Variants in FBLN1 observed in about 807,000 individuals in gnomAD.
The protein encoded by FBLN1 is fibulin-1.
FBLN1 carries 34 observed loss-of-function variants against 89.7 expected under a neutral mutation model. The ratio of observed to expected loss-of-function variants is 0.38; its 90% CI spans 0.29 to 0.50. The LOEUF is 0.50. FBLN1 is among the 20% of genes least tolerant of loss of function. The pLI, the probability that FBLN1 is intolerant of heterozygous loss-of-function variation, is 0.92. For missense variants in FBLN1, 777 were observed against 988.1 expected (o/e 0.79, Z 2.86); for synonymous variants, 393 against 391.3 (o/e 1.00, Z -0.05).
intron 2 of FBLN1, chr22:45,523,038 G>A (rs201802368): frequency 3.0e-6 from 2 of 655,996 alleles, no homozygotes; most frequent in African/African-American, 3.5e-5. Flanking sequence ...ATGTGCCGTG[G>A]GGGAAACAGG....
chr22:45,564,517 C>A (rs2088884174), intron 14 of FBLN1, among the ~76,000 whole-genome samples: 1 of 152,244 alleles, frequency 6.6e-6, no homozygotes, highest in Non-Finnish European at 1.5e-5. Context: ...GTGCTTTGCA[C>A]CCTTGGCCTG....
rs2146662515 is a variant in FBLN1, at chr22:45,590,568, G to GC, written c.1973-9738dup. The stretch of plus-strand genomic sequence containing the variant: ...GGTTGGATTTACCTCCTGGCTCTGA[G>GC]CACAGTGGGAAGAGGCATGGGAGGG... On this transcript the variant is annotated intron_variant, in intron 16 of 16. Coordinates refer to ENST00000327858, the MANE Select transcript of FBLN1 (RefSeq NM_006486.3). The surrounding 1 kb of genome is among the most constrained non-coding windows in gnomAD (Gnocchi z 4.1). Among the ~76,000 whole-genome samples the GC allele has an allele frequency of 6.6e-6, 1 of 152,326 alleles. No homozygotes were observed. The highest frequency in any genetic ancestry group is 1.9e-4 in the East Asian group (1 of 5,178).
In FBLN1 at chr22:45,561,896, G is replaced by A. The variant is rs1195143908; in HGVS notation, c.1697+11281G>A. Among the ~76,000 whole-genome samples, 1 of 152,174 alleles carries A rather than the reference G, an allele frequency of 6.6e-6. No individual in the cohort carries two copies. Among genetic ancestry groups the A allele is most frequent in the Non-Finnish European group, 1.5e-5 (1 of 68,030 alleles). ...CATCCAGCACAGGAGAAAGATGTAG[G>A]CTGGGAGGCTAGGCCAGTCTCTCCT... is the stretch of plus-strand genomic sequence containing the variant. On this transcript the variant is annotated intron_variant, in intron 14 of 16. Coordinates refer to ENST00000327858, the MANE Select transcript of FBLN1 (RefSeq NM_006486.3). The surrounding 1 kb of genome is among the most constrained non-coding windows in gnomAD (Gnocchi z 4.7).
intron 16 of FBLN1, among the ~76,000 whole-genome samples, chr22:45,591,244 C>G (rs1017316242): frequency 1.3e-5 from 2 of 152,152 alleles, no homozygotes; most frequent in Non-Finnish European, 2.9e-5. Flanking sequence ...AATTTTCTCC[C>G]CGGTGAGCCC....
rs762701172 is a variant in FBLN1, at chr22:45,557,852, A to G, written c.1697+7237A>G. Among the ~76,000 whole-genome samples the G allele has an allele frequency of 6.6e-6, 1 of 152,340 alleles. No homozygotes were observed. Among genetic ancestry groups the G allele is most frequent in the Non-Finnish European group, 1.5e-5 (1 of 68,036 alleles). ...CATTGGCCACAGCCCATGAATCAGT[A>G]TGTAATCGCACATCTGGTCATTTCT... On this transcript the variant is annotated intron_variant, in intron 14 of 16. Coordinates refer to ENST00000327858, the MANE Select transcript of FBLN1 (RefSeq NM_006486.3). The surrounding 1 kb of genome is among the most constrained non-coding windows in gnomAD (Gnocchi z 4.9).
chr22:45,599,220 C>G (rs2089210717), intron 16 of FBLN1, among the ~76,000 whole-genome samples: 1 of 152,214 alleles, frequency 6.6e-6, no homozygotes, highest in Admixed American at 6.5e-5. Flanking sequence ...AGGCAGAGCT[C>G]CCTGCAACCC....
At chr22:45,552,422 C>A (rs183821629) in intron 14 of FBLN1, among the ~76,000 whole-genome samples, 1 of 152,232 alleles carries the variant, frequency 6.6e-6, no homozygotes, top group Admixed American at 6.5e-5. Context: ...ACTCCCGGGA[C>A]TGATAGTGAG....
intron 2 of FBLN1, among the ~76,000 whole-genome samples, chr22:45,520,336 G>T (rs1255530341): frequency 6.6e-6 from 1 of 152,212 alleles, no homozygotes; most frequent in Non-Finnish European, 1.5e-5. Context: ...TGAGACCGAG[G>T]TGTCAGCAGG....
intron 2 of FBLN1, among the ~76,000 whole-genome samples, chr22:45,525,169 GAA>G (rs1020325207): frequency 7.3e-6 from 1 of 136,378 alleles, no homozygotes; most frequent in Non-Finnish European, 1.5e-5. Flanking sequence ...AGGAAAGAGA[GAA>G]AGGGAGAAAG....
Position 45,537,321 on chromosome 22 carries a change from AAAGAT to A in FBLN1, c.922+1988_922+1992del, listed in dbSNP as rs549194370. Among the ~76,000 whole-genome samples the A allele has an allele frequency of 3.3e-5, 5 of 152,282 alleles. No homozygotes were observed. In the South Asian group the frequency reaches 1.0e-3, roughly 32 times the overall value. ...ATTATTTTTAACCACTGAGATATTT[AAAGAT>A]AAGTGGATGTGGCCGGGCACAGTGA... On this transcript the variant is annotated intron_variant, in intron 8 of 16. Coordinates refer to ENST00000327858, the MANE Select transcript of FBLN1 (RefSeq NM_006486.3). The surrounding 1 kb of genome is among the most constrained non-coding windows in gnomAD (Gnocchi z 5.7).
Position 45,588,582 on chromosome 22 carries a change from C to T in FBLN1, c.1972+11474C>T, listed in dbSNP as rs1213781431. 6.6e-6 allele frequency among the ~76,000 whole-genome samples: 1 copy of T among 152,254 alleles called. No homozygotes were observed. The highest frequency in any genetic ancestry group is 1.9e-4 in the East Asian group (1 of 5,180). ...CCCAGCAGTTGCCCATAACTGGCCGCAGGATCCCACACACCTGCTGACTTC... is the reference window on the plus strand; with the variant it reads ...CCCAGCAGTTGCCCATAACTGGCCGTAGGATCCCACACACCTGCTGACTTC... On this transcript the variant is annotated intron_variant, in intron 16 of 16. Transcript: ENST00000327858. The surrounding 1 kb of genome is among the most constrained non-coding windows in gnomAD (Gnocchi z 5.1).
intron 14 of FBLN1, chr22:45,565,505 T>G (rs1394044097): frequency 3.3e-6 from 1 of 306,410 alleles, no homozygotes; most frequent in Non-Finnish European, 6.4e-6. Context: ...GCAGTTAGCC[T>G]GAGCTCCCCT....
chr22:45,582,298 T>C (rs1490985839), intron 16 of FBLN1, among the ~76,000 whole-genome samples: 1 of 152,206 alleles, frequency 6.6e-6, no homozygotes, highest in Non-Finnish European at 1.5e-5. Context: ...GGATAAATAG[T>C]GAAGCACCTC....
chr22:45,548,935 C>T (rs1031353038), intron 13 of FBLN1, among the ~76,000 whole-genome samples, 191 bp downstream of exon 13: 6 of 152,242 alleles, frequency 3.9e-5, no homozygotes, highest in African/African-American at 1.4e-4. Context: ...TGGTCTCCTA[C>T]ACCCAGGCCC....
At chr22:45,582,355 G>C (rs1487746068) in intron 16 of FBLN1, among the ~76,000 whole-genome samples, 1 of 152,190 alleles carries the variant, frequency 6.6e-6, no homozygotes, top group African/African-American at 2.4e-5. Context: ...TTGGGTCCTG[G>C]GCCAGCCCCT....
intron 16 of FBLN1, among the ~76,000 whole-genome samples, chr22:45,582,599 G>A (rs1176992167): frequency 4.6e-5 from 7 of 152,186 alleles, no homozygotes; most frequent in African/African-American, 7.2e-5. Flanking sequence ...AGCCACAGCC[G>A]CACCTGGTGC....
rs184286073 is a variant in FBLN1 at position 45,563,707 on chromosome 22, G to A, written c.1698-10804G>A. ...GGCCCAGAGAGAAGGGGAAGGGTTG[G>A]CCAGGGTCGTCTGGCCTGCTGTGGC... On this transcript the variant is annotated intron_variant, in intron 14 of 16. Coordinates refer to ENST00000327858, the MANE Select transcript of FBLN1 (RefSeq NM_006486.3). This position sits in a 1 kb window ranked among gnomAD's most constrained non-coding sequence, Gnocchi z 5.7. 6.6e-6 allele frequency among the ~76,000 whole-genome samples: 1 copy of A among 152,330 alleles called. No homozygotes were observed. The highest frequency in any genetic ancestry group is 2.4e-5 in the African/African-American group (1 of 41,578).
At chr22:45,582,065 C>T (rs1328610941) in intron 16 of FBLN1, among the ~76,000 whole-genome samples, 1 of 152,184 alleles carries the variant, frequency 6.6e-6, no homozygotes, top group Non-Finnish European at 1.5e-5. Flanking sequence ...AGGTTGTACC[C>T]ACTCAGCAGG....
intron 11 of FBLN1, 46 bp from the exon 12 acceptor site, chr22:45,547,039 A>AG: frequency 6.2e-7 from 1 of 1,613,336 alleles, no homozygotes; most frequent in Middle Eastern, 1.7e-4. Flanking sequence ...CTGTGGAGGC[A>AG]GGGACGTATG....
Sources: allele counts gnomAD v4.1 joint callset (sites outside exome capture counted in the v4.1 genomes callset), GRCh38; gene constraint gnomAD v4.1.1; non-coding constraint Gnocchi (gnomAD v3.1); transcripts MANE v1.5; gene names NCBI Gene and HGNC (gene_info 2026-07-23, HGNC 2026-07-21).